Variants in TMEM51 observed in about 807,000 individuals in gnomAD.
The protein encoded by TMEM51 is transmembrane protein 51.
Under a neutral mutation model 13.6 loss-of-function variants are expected in TMEM51, and 8 were observed. The ratio of observed to expected loss-of-function variants is 0.59; its 90% CI spans 0.35 to 1.07. TMEM51 has a LOEUF of 1.07. TMEM51 is among the 50% of genes least tolerant of loss of function. The pLI is 0.02. For synonymous variants in TMEM51, 147 were observed against 144.4 expected, an observed-to-expected ratio of 1.02 and a Z score of -0.13; for missense variants, 279 against 330.7, an observed-to-expected ratio of 0.84 and a Z score of 1.21.
intron 3 of TMEM51, 38 bp downstream of exon 3, chr1:15,215,469 G>T: frequency 6.5e-7 from 1 of 1,539,410 alleles, no homozygotes; most frequent in Non-Finnish European, 8.7e-7. Context: ...CCGGATCGGG[G>T]ATGGGCACGC....
rs899212299 is a variant in TMEM51, at chr1:15,207,100, T to C, written c.-266-3390T>C. The stretch of plus-strand genomic sequence containing the variant: ...CTGAATTCCTCCTTTGTGATGTGAA[T>C]GTGGCACAGCCCGGTGGAACCGGGG... On this transcript the variant is annotated intron_variant, in intron 1 of 3. Coordinates refer to ENST00000376008, the MANE Select transcript of TMEM51 (RefSeq NM_001136218.2). This position sits in a 1 kb window ranked among gnomAD's most constrained non-coding sequence, Gnocchi z 4.6. 2.6e-5 allele frequency among the ~76,000 whole-genome samples: 4 copies of C among 152,234 alleles called. No homozygotes were observed. Among genetic ancestry groups the C allele is most frequent in the African/African-American group, 9.6e-5 (4 of 41,468 alleles).
intron 1 of TMEM51, among the ~76,000 whole-genome samples, chr1:15,196,480 G>C (rs1644052494): frequency 6.6e-6 from 1 of 152,156 alleles, no homozygotes; most frequent in African/African-American, 2.4e-5. Context: ...ATACCACTGT[G>C]AGGGAGTATG....
At chr1:15,218,901 A>G (rs146646491) in intron 3 of TMEM51, among the ~76,000 whole-genome samples, 102 of 152,318 alleles carry the variant, frequency 6.7e-4, no homozygotes, top group African/African-American at 2.3e-3. Flanking sequence ...ACAATTTCCA[A>G]GAGCCCCTAT....
intron 3 of TMEM51, among the ~76,000 whole-genome samples, chr1:15,215,756 GT>G (rs1410393434): frequency 6.6e-6 from 1 of 152,224 alleles, no homozygotes; most frequent in Non-Finnish European, 1.5e-5. Flanking sequence ...GCCAGGTGCA[GT>G]GGCTCACTCC....
intron 1 of TMEM51, among the ~76,000 whole-genome samples, chr1:15,194,525 C>T (rs1056789748): frequency 2.8e-4 from 43 of 152,264 alleles, no homozygotes; most frequent in African/African-American, 9.4e-4. Context: ...TGGGGAGCCA[C>T]CATTTCTCTG....
chr1:15,184,106 C>T (rs2100244011), intron 1 of TMEM51, among the ~76,000 whole-genome samples: 1 of 116,252 alleles, frequency 8.6e-6, no homozygotes, highest in South Asian at 3.5e-4. Flanking sequence ...GTGGCACGAT[C>T]TCAGTTCACT....
At position 15,210,568 on chromosome 1, in the gene TMEM51, T is replaced by C. The variant is rs1393067799; in HGVS notation, c.-194+6T>C. 1 of 152,226 alleles carries C rather than the reference T, an allele frequency of 6.6e-6. No homozygotes were observed. The highest frequency in any genetic ancestry group is 1.5e-5 in the Non-Finnish European group (1 of 68,048). 9.4% of individuals were successfully genotyped at this position (152,226 alleles called of 1,614,324 possible). On this transcript the variant is annotated splice_donor_region_variant and intron_variant, in intron 2 of 3. Transcript: ENST00000376008. ...GTCTCCTCAAATAACAACAGGTAGA[T>C]ACCTCTCTAACTGGTTAATAATTTT...
intron 2 of TMEM51, among the ~76,000 whole-genome samples, chr1:15,213,150 C>G (rs1557858565): frequency 6.6e-6 from 1 of 152,240 alleles, no homozygotes; most frequent in Non-Finnish European, 1.5e-5. Context: ...GGCCTAGAAG[C>G]TCTGCTAATC....
intron 1 of TMEM51, among the ~76,000 whole-genome samples, chr1:15,176,794 A>C (rs1643468824): frequency 6.6e-6 from 1 of 152,208 alleles, no homozygotes; most frequent in East Asian, 1.9e-4. Flanking sequence ...GGGACACTGA[A>C]GTTCTGATAG....
At chr1:15,218,985 G>A (rs1410759144) in intron 3 of TMEM51, among the ~76,000 whole-genome samples, 1 of 152,154 alleles carries the variant, frequency 6.6e-6, no homozygotes, top group Non-Finnish European at 1.5e-5. Context: ...ATAAAGAATT[G>A]TGGTCTAACA....
At chr1:15,192,184 AT>A (rs1473280191) in intron 1 of TMEM51, 2 of 396,138 alleles carry the variant, frequency 5.0e-6, no homozygotes, top group Non-Finnish European at 1.0e-5. Flanking sequence ...GGCTGCAAAG[AT>A]TTCTTCATTT....
intron 1 of TMEM51, among the ~76,000 whole-genome samples, chr1:15,193,404 T>C (rs989063131): frequency 6.6e-6 from 1 of 152,098 alleles, no homozygotes. Flanking sequence ...CGTGGAGTTA[T>C]CATTCACACA....
At chr1:15,187,495 C>G (rs140976126) in intron 1 of TMEM51, among the ~76,000 whole-genome samples, 1 of 152,322 alleles carries the variant, frequency 6.6e-6, no homozygotes, top group Non-Finnish European at 1.5e-5. Context: ...ATGCCCGGCC[C>G]ATGGGGGCAG....
intron 1 of TMEM51, chr1:15,168,708 G>A (rs1472983225): frequency 7.7e-7 from 1 of 1,304,404 alleles, no homozygotes; most frequent in Non-Finnish European, 1.0e-6. Context: ...CTCTCCCAGG[G>A]TGAGCCAGTG....
At chr1:15,153,623 G>A (rs1265786214), upstream of TMEM51, 1 of 152,132 alleles carries the variant, frequency 6.6e-6, no homozygotes, top group Non-Finnish European at 1.5e-5. Flanking sequence ...GGGCCCGGGG[G>A]TGGTGCCGAG....
At chr1:15,216,185 G>A (rs1016988290) in intron 3 of TMEM51, among the ~76,000 whole-genome samples, 1 of 152,204 alleles carries the variant, frequency 6.6e-6, no homozygotes, top group African/African-American at 2.4e-5. Context: ...CTTCACCCCA[G>A]CATGCTGTGT....
At chr1:15,194,501 T>C (rs1249886756) in intron 1 of TMEM51, among the ~76,000 whole-genome samples, 1 of 152,154 alleles carries the variant, frequency 6.6e-6, no homozygotes, top group African/African-American at 2.4e-5. Context: ...CGTGGCTCCC[T>C]GTTGCTGTGG....
intron 1 of TMEM51, among the ~76,000 whole-genome samples, chr1:15,204,029 C>G (rs544363162): frequency 6.6e-5 from 10 of 152,334 alleles, no homozygotes; most frequent in Non-Finnish European, 1.5e-4. Context: ...GACTTCTCTC[C>G]TTTTTTCTGC....
chr1:15,216,407 A>T (rs1644433204), intron 3 of TMEM51, among the ~76,000 whole-genome samples: 1 of 152,238 alleles, frequency 6.6e-6, no homozygotes, highest in African/African-American at 2.4e-5. Flanking sequence ...TTCAACCAAT[A>T]GATGTTCAAC....
Sources: gnomAD v4.1 joint callset for allele counts (sites outside exome capture counted in the v4.1 genomes callset) on GRCh38, gnomAD v4.1.1 for gene constraint, Gnocchi (gnomAD v3.1) non-coding constraint, MANE v1.5 for transcripts, NCBI Gene and HGNC (gene_info 2026-07-23, HGNC 2026-07-21) for gene names.